RET: variants seen among roughly 807,000 people sequenced by gnomAD.
The protein encoded by RET is ret proto-oncogene, also known as proto-oncogene tyrosine-protein kinase receptor Ret.
A neutral mutation model predicts 118.3 loss-of-function variants in RET; 19 were observed. The observed-to-expected ratio is 0.16, with a 90% CI of 0.11 to 0.24. The LOEUF (loss-of-function observed/expected upper bound fraction) is 0.24. Ranked by LOEUF, RET falls within the 10% of genes least tolerant of loss-of-function variation. The probability of loss-of-function intolerance (pLI) is 1.00; values close to 1 mark genes in which losing one functional copy is unlikely to be tolerated. For synonymous variants in RET, 597 were observed against 644.1 expected (o/e 0.93, Z 1.11); for missense variants, 1,219 against 1,502.1 (o/e 0.81, Z 3.12).
At chr10:43,095,914 C>T (rs971248291) in intron 1 of RET, among the ~76,000 whole-genome samples, 17 of 152,204 alleles carry the variant, frequency 1.1e-4, no homozygotes, top group Admixed American at 9.8e-4. Context: ...ACCAGAACCA[C>T]GGTGGCGGGG....
chr10:43,106,814 G>GC lies in RET; in HGVS notation c.1063+247dup, dbSNP rs1837791271. On this transcript the variant is annotated intron_variant, in intron 5 of 19. Transcript: ENST00000355710. This position sits in a 1 kb window ranked among gnomAD's most constrained non-coding sequence, Gnocchi z 5.1. ...CTGATCCATGGCCGACCCTGGCAGG[G>GC]CCCCACCACACCCCCCTGCTGACCT... Among the ~76,000 whole-genome samples, 1 of 152,126 alleles carries GC rather than the reference G, an allele frequency of 6.6e-6. No homozygotes were observed.
chr10:43,116,898 G>C (rs1210414663), intron 12 of RET, among the ~76,000 whole-genome samples, 167 bp downstream of exon 12: 2 of 152,274 alleles, frequency 1.3e-5, no homozygotes, highest in Non-Finnish European at 2.9e-5. Flanking sequence ...GAGAAGCAGA[G>C]CGAGGACTTT....
intron 14 of RET, 37 bp downstream of exon 14, chr10:43,119,782 C>T (rs2132952415): frequency 6.3e-7 from 1 of 1,598,802 alleles, no homozygotes; most frequent in Non-Finnish European, 8.5e-7. Context: ...CCAGCCCCGG[C>T]CAGGCCACAC....
At chr10:43,119,371 C>T (rs1838147489) in intron 13 of RET, among the ~76,000 whole-genome samples, 160 bp from the exon 14 acceptor site, 1 of 152,180 alleles carries the variant, frequency 6.6e-6, no homozygotes, top group Admixed American at 6.5e-5. Context: ...GGTCTGCGCT[C>T]TCCACAGAGC....
rs2132847996 is a variant in RET at position 43,114,569 on chromosome 10, A to C, written c.1969A>C (p.Ile657Leu). The C allele has an allele frequency of 6.2e-7, 1 of 1,612,196 alleles. No homozygotes were observed. Among genetic ancestry groups the C allele is most frequent in the Non-Finnish European group, 8.5e-7 (1 of 1,179,976 alleles). ...IVSVLLSAFC[I>L]HCYHKFAHKP... is the part of the protein sequence containing the mutation. ...CTCGGTGCTGCTGTCTGCCTTCTGC[A>C]TCCACTGCTACCACAAGTTTGCCCA... Residue 657 changes from isoleucine (I) to leucine (L), a missense_variant, in exon 11 of 20, where the codon ATC becomes CTC. By Grantham distance (5) the Ile-to-Leu change is conservative (BLOSUM62 2). Around this residue, in one of 5 missense-constraint regions of RET, gnomAD observed 850 missense variants for 969.6 expected, o/e 0.88. Transcript: ENST00000355710. This position sits in a 1 kb window ranked among gnomAD's most constrained non-coding sequence, Gnocchi z 4.6.
chr10:43,081,600 G>T (rs1333017388), intron 1 of RET, among the ~76,000 whole-genome samples: 1 of 152,194 alleles, frequency 6.6e-6, no homozygotes, highest in African/African-American at 2.4e-5. Context: ...ACCTGGGCCT[G>T]CCAGAGCCGT....
At chr10:43,110,039 C>T (rs2132754522) in intron 6 of RET, among the ~76,000 whole-genome samples, 1 of 152,352 alleles carries the variant, frequency 6.6e-6, no homozygotes, top group South Asian at 2.1e-4. Context: ...TCCTGGCAGC[C>T]ACCCGTGTCC....
chr10:43,092,563 C>T (rs1324797145), intron 1 of RET, among the ~76,000 whole-genome samples: 46 of 152,252 alleles, frequency 3.0e-4, no homozygotes, highest in African/African-American at 2.4e-5. Context: ...TCCCTTGATC[C>T]GTGTTTTTTC....
chr10:43,122,841 C>T (rs558416834), intron 16 of RET, among the ~76,000 whole-genome samples: 1 of 152,278 alleles, frequency 6.6e-6, no homozygotes, highest in East Asian at 1.9e-4. Context: ...GAATCCTGAC[C>T]TCAAATGATC....
At chr10:43,089,118 C>T (rs1837356919) in intron 1 of RET, among the ~76,000 whole-genome samples, 1 of 152,240 alleles carries the variant, frequency 6.6e-6, no homozygotes, top group African/African-American at 2.4e-5. Context: ...GGGCTAGGCA[C>T]TCTCCTCCAT....
At chr10:43,094,811 G>A (rs1837487810) in intron 1 of RET, among the ~76,000 whole-genome samples, 1 of 152,248 alleles carries the variant, frequency 6.6e-6, no homozygotes, top group Non-Finnish European at 1.5e-5. Context: ...TATTGGCAGT[G>A]TGAGAATGTG....
chr10:43,085,947 G>A (rs1453829207), intron 1 of RET, among the ~76,000 whole-genome samples: 1 of 152,306 alleles, frequency 6.6e-6, no homozygotes, highest in East Asian at 1.9e-4. Flanking sequence ...CTGTCTCAGA[G>A]GCTCCTGGCT....
intron 1 of RET, among the ~76,000 whole-genome samples, chr10:43,093,322 T>C (rs1406033732): frequency 6.6e-6 from 1 of 151,872 alleles, no homozygotes; most frequent in Admixed American, 6.6e-5. Context: ...CAGAGGGGAC[T>C]TGGGAGGTGG....
At chr10:43,094,834 A>G (rs1837488324) in intron 1 of RET, among the ~76,000 whole-genome samples, 1 of 152,206 alleles carries the variant, frequency 6.6e-6, no homozygotes, top group African/African-American at 2.4e-5. Flanking sequence ...AGCATATGGG[A>G]GAACAAGTGT....
intron 1 of RET, among the ~76,000 whole-genome samples, chr10:43,094,219 C>A (rs1837471644): frequency 6.6e-6 from 1 of 151,892 alleles, no homozygotes; most frequent in Admixed American, 6.6e-5. Context: ...ACCCCCAGCC[C>A]CCAGGGAGGA....
At chr10:43,123,913 G>T (rs1365902985) in intron 17 of RET, 105 bp downstream of exon 17, 12 of 1,409,500 alleles carry the variant, frequency 8.5e-6, no homozygotes, top group Admixed American at 3.6e-5. Context: ...CAGGAGAAGT[G>T]GGGGGTGGGG....
At position 43,100,614 on chromosome 10, in the gene RET, C is replaced by A. The variant is rs1588862595; in HGVS notation, c.229C>A (p.Arg77Ser). 1 of 1,613,954 alleles carries A rather than the reference C, an allele frequency of 6.2e-7. No homozygotes were observed. The highest frequency in any genetic ancestry group is 8.5e-7 in the Non-Finnish European group (1 of 1,180,022). ...RLGQHLYGTYRTRLHENNWIC... is the reference protein window; with the variant it reads ...RLGQHLYGTYSTRLHENNWIC... ...GGGCCAGCATCTCTACGGCACGTAC[C>A]GCACACGGCTGCATGAGAACAACTG... Residue 77 changes from arginine to serine, a missense_variant, in exon 2 of 20, where the codon CGC becomes AGC. Transcript: ENST00000355710.
At chr10:43,112,046 G>A (rs2132794060) in intron 7 of RET, 53 bp from the exon 8 acceptor site, 1 of 1,562,822 alleles carries the variant, frequency 6.4e-7, no homozygotes, top group Non-Finnish European at 8.6e-7. Flanking sequence ...GGCACTAGCT[G>A]GACGCTGGGC....
chr10:43,099,742 A>G (rs1365336342), intron 1 of RET, among the ~76,000 whole-genome samples: 3 of 152,064 alleles, frequency 2.0e-5, no homozygotes, highest in Non-Finnish European at 4.4e-5. Flanking sequence ...AGTCTGATCC[A>G]TTGCCTAACA....
Sources: allele counts gnomAD v4.1 joint callset (sites outside exome capture counted in the v4.1 genomes callset), GRCh38; gene constraint gnomAD v4.1.1; regional missense constraint gnomAD v4.1.1; non-coding constraint Gnocchi (gnomAD v3.1); transcripts MANE v1.5; gene names NCBI Gene and HGNC (gene_info 2026-07-23, HGNC 2026-07-21).